Variants in MACROD2 observed in about 807,000 individuals in gnomAD.
The protein encoded by MACROD2 is ADP-ribose glycohydrolase MACROD2.
Under a neutral mutation model 70.4 loss-of-function variants are expected in MACROD2, and 36 were observed. The observed-to-expected ratio is 0.51, with a 90% confidence interval of 0.39 to 0.68. The LOEUF (loss-of-function observed/expected upper bound fraction) is 0.68, where lower values mean the gene tolerates loss of function less well. Among genes scored for constraint, MACROD2 ranks in the 30% least tolerant of loss-of-function variants. The probability of loss-of-function intolerance (pLI) is 0.00; values close to 1 mark genes in which losing one functional copy is unlikely to be tolerated. For missense variants in MACROD2, 496 were observed against 538.4 expected (o/e 0.92, Z 0.78); for synonymous variants, 172 against 178.8 (o/e 0.96, Z 0.30).
chr20:15,233,218 C>T (rs931253529), intron 6 of MACROD2, among the ~76,000 whole-genome samples: 2 of 152,036 alleles, frequency 1.3e-5, no homozygotes, highest in Non-Finnish European at 2.9e-5. Context: ...CTTTAAAATG[C>T]AGATACTCAT....
At chr20:14,785,917 T>A (rs775722092) in intron 5 of MACROD2, among the ~76,000 whole-genome samples, 4 of 151,998 alleles carry the variant, frequency 2.6e-5, no homozygotes, top group Non-Finnish European at 4.4e-5. Flanking sequence ...GAAAAAAGAT[T>A]AAAAGGACAA....
intron 15 of MACROD2, among the ~76,000 whole-genome samples, chr20:16,003,689 G>T (rs1601308148): frequency 1.3e-5 from 2 of 152,134 alleles, no homozygotes; most frequent in East Asian, 3.9e-4. Flanking sequence ...TTTTCTTTTA[G>T]AGACAGAGTC....
chr20:14,324,597 A>T (rs550412395), intron 3 of MACROD2: 1 of 152,190 alleles, frequency 6.6e-6, no homozygotes, highest in African/African-American at 2.4e-5. Flanking sequence ...TTATAATTAC[A>T]TTACATTTTT....
At chr20:15,356,205 C>A (rs2078285411) in intron 6 of MACROD2, among the ~76,000 whole-genome samples, 1 of 152,118 alleles carries the variant, frequency 6.6e-6, no homozygotes, top group African/African-American at 2.4e-5. Context: ...GTTACTTAAC[C>A]TCTTGGTGCC....
chr20:15,874,999 G>A (rs1020937014), intron 9 of MACROD2, among the ~76,000 whole-genome samples: 1 of 152,134 alleles, frequency 6.6e-6, no homozygotes, highest in African/African-American at 2.4e-5. Context: ...AATGTTCAGA[G>A]AACTGCACCA....
intron 4 of MACROD2, among the ~76,000 whole-genome samples, chr20:14,603,701 G>A (rs1982630634): frequency 6.6e-6 from 1 of 152,044 alleles, no homozygotes; most frequent in Non-Finnish European, 1.5e-5. Flanking sequence ...GTTTTCACAG[G>A]CATTATTTCT....
intron 5 of MACROD2, among the ~76,000 whole-genome samples, chr20:14,732,075 A>C (rs2071605338): frequency 6.6e-6 from 1 of 152,170 alleles, no homozygotes; most frequent in South Asian, 2.1e-4. Flanking sequence ...AATTTTTAAG[A>C]ATGTAAAGGG....
At chr20:14,150,188 A>C (rs1175541524) in intron 3 of MACROD2, among the ~76,000 whole-genome samples, 1 of 151,668 alleles carries the variant, frequency 6.6e-6, no homozygotes, top group Non-Finnish European at 1.5e-5. Context: ...CTTGCCCTTC[A>C]CTAACTATGC....
intron 6 of MACROD2, among the ~76,000 whole-genome samples, chr20:15,347,153 A>C (rs2078175731): frequency 6.6e-6 from 1 of 152,152 alleles, no homozygotes; most frequent in African/African-American, 2.4e-5. Flanking sequence ...TACATACTTC[A>C]AATTATTTCT....
intron 4 of MACROD2, among the ~76,000 whole-genome samples, chr20:14,642,689 A>G (rs1337794784): frequency 6.6e-6 from 1 of 152,188 alleles, no homozygotes; most frequent in Non-Finnish European, 1.5e-5. Flanking sequence ...AGCAGTGAGA[A>G]CACACAATAT....
At chr20:14,670,693 A>C (rs926001156) in intron 4 of MACROD2, among the ~76,000 whole-genome samples, 3 of 152,180 alleles carry the variant, frequency 2.0e-5, no homozygotes, top group African/African-American at 7.2e-5. Context: ...ACTTACACAA[A>C]ACACAAAGTC....
intron 4 of MACROD2, among the ~76,000 whole-genome samples, chr20:14,513,287 G>T (rs1251599895): frequency 2.0e-5 from 3 of 152,062 alleles, no homozygotes; most frequent in African/African-American, 4.8e-5. Context: ...CTGAGCAAAT[G>T]CCTGTTTTGA....
chr20:14,170,781 A>G (rs998842616), intron 3 of MACROD2, among the ~76,000 whole-genome samples: 1 of 152,154 alleles, frequency 6.6e-6, no homozygotes, highest in Non-Finnish European at 1.5e-5. Flanking sequence ...ATCTATGTTC[A>G]TTAGGGATAT....
chr20:14,520,190 G>A (rs931942863), intron 4 of MACROD2, among the ~76,000 whole-genome samples: 2 of 152,128 alleles, frequency 1.3e-5, no homozygotes, highest in African/African-American at 4.8e-5. Flanking sequence ...TAGCAAACCT[G>A]CACGTGTACC....
At chr20:15,136,513 A>G (rs1414754852) in intron 5 of MACROD2, among the ~76,000 whole-genome samples, 5 of 152,238 alleles carry the variant, frequency 3.3e-5, no homozygotes, top group African/African-American at 1.2e-4. Context: ...AGCCATATGT[A>G]GAAAGCTGAA....
chr20:15,208,300 A>G (rs1053753957), intron 5 of MACROD2, among the ~76,000 whole-genome samples: 4 of 151,964 alleles, frequency 2.6e-5, no homozygotes, highest in Non-Finnish European at 5.9e-5. Flanking sequence ...TTCTTTGCTG[A>G]GACTTTCTAT....
rs191870688 is a variant in MACROD2 at position 14,952,688 on chromosome 20, T to A, written c.418+267729T>A. ...GTGATATTTCTATCATCATATATCATCAGTGGAAATATATTTTTTTCATAT... is the reference window on the plus strand; with the variant it reads ...GTGATATTTCTATCATCATATATCAACAGTGGAAATATATTTTTTTCATAT... On this transcript the variant is annotated intron_variant, in intron 5 of 17. Transcript: ENST00000684519. 6.4e-4 allele frequency among the ~76,000 whole-genome samples: 97 copies of A among 152,244 alleles called. 1 individual carries two copies. The highest frequency in any genetic ancestry group is 3.4e-3 in the Middle Eastern group (1 of 294).
At chr20:14,123,140 G>A (rs999486156) in intron 3 of MACROD2, among the ~76,000 whole-genome samples, 8 of 152,058 alleles carry the variant, frequency 5.3e-5, no homozygotes, top group African/African-American at 9.7e-5. Context: ...TCTGATTGTC[G>A]GAAAGTATAC....
intron 5 of MACROD2, among the ~76,000 whole-genome samples, chr20:14,809,786 T>G (rs1189068532): frequency 6.6e-6 from 1 of 152,036 alleles, no homozygotes; most frequent in Non-Finnish European, 1.5e-5. Context: ...CGAACTACCA[T>G]TAGAGAATAG....
Sources: gnomAD v4.1 joint callset for allele counts (sites outside exome capture counted in the v4.1 genomes callset) on GRCh38, gnomAD v4.1.1 for gene constraint, MANE v1.5 for transcripts, NCBI Gene and HGNC (gene_info 2026-07-23, HGNC 2026-07-21) for gene names.